Variants in MAP3K9 observed in about 807,000 individuals in gnomAD.
The protein encoded by MAP3K9 is mitogen-activated protein kinase kinase kinase 9.
MAP3K9 carries 46 observed loss-of-function variants against 95.8 expected under a neutral mutation model. The observed-to-expected ratio is 0.48, with a 90% CI of 0.38 to 0.61. The LOEUF is 0.61. Among genes scored for constraint, MAP3K9 ranks in the 20% least tolerant of loss-of-function variants. The pLI is 0.00. For missense variants in MAP3K9, 1,296 were observed against 1,474.3 expected, an observed-to-expected ratio of 0.88 and a Z score of 1.98; for synonymous variants, 533 against 593.8, an observed-to-expected ratio of 0.90 and a Z score of 1.49.
Position 70,732,575 on chromosome 14 carries a change from G to A in MAP3K9, c.2794C>T (p.Pro932Ser), listed in dbSNP as rs1462257851. 3 of 1,599,714 alleles carry A rather than the reference G, an allele frequency of 1.9e-6. No homozygotes were observed. The highest frequency in any genetic ancestry group is 2.2e-5 in the South Asian group (2 of 89,180). The stretch of plus-strand genomic sequence containing the variant: ...CTGGGGCTCAACCCATTGCTGGAGG[G>A]GCTCCTGCTGGCTAGGAGAGTCTCT... ...KPETLLASRS[P>S]SSNGLSPSPG... Residue 932 changes from proline to serine, a missense_variant, in exon 11 of 12, where the codon CCC (proline) becomes TCC (serine). Pro to Ser is a moderately conservative substitution (Grantham distance 74). This residue lies in a region of MAP3K9 where 433 missense variants were observed against 441.4 expected (regional missense o/e 0.98). Transcript: ENST00000554752.
chr14:70,803,263 C>A (rs576566943), intron 1 of MAP3K9, among the ~76,000 whole-genome samples: 27 of 148,554 alleles, frequency 1.8e-4, no homozygotes, highest in Non-Finnish European at 3.7e-4. Flanking sequence ...TACCCAGCCT[C>A]AGGTATTCCT....
At chr14:70,765,352 T>C in intron 2 of MAP3K9, 1 of 445,584 alleles carries the variant, frequency 2.2e-6, no homozygotes, top group South Asian at 5.1e-5. Flanking sequence ...CTTTATAAAT[T>C]TAGTGTAGCC....
At chr14:70,757,815 T>G (rs1296833855) in intron 3 of MAP3K9, among the ~76,000 whole-genome samples, 1 of 152,146 alleles carries the variant, frequency 6.6e-6, no homozygotes, top group Non-Finnish European at 1.5e-5. Flanking sequence ...AATGGTCTTT[T>G]CAATAAATGG....
chr14:70,793,978 G>A lies in MAP3K9; in HGVS notation c.820+6689C>T, dbSNP rs553978009. Among the ~76,000 whole-genome samples the A allele has an allele frequency of 3.9e-5, 6 of 152,264 alleles. No individual in the cohort carries two copies. In the South Asian group the frequency reaches 8.3e-4, roughly 21 times the overall value. On this transcript the variant is annotated intron_variant, in intron 2 of 11. Transcript: ENST00000554752. ...TCTTGTCACTCCAATATTCTTCTAC[G>A]AACTACCAGGTAGTACACATTCATC...
In MAP3K9 at chr14:70,809,219, C is replaced by T; in HGVS notation, c.-48G>A. The T allele has an allele frequency of 1.6e-6, 2 of 1,282,954 alleles. No homozygotes were observed. The highest frequency in any genetic ancestry group is 2.0e-6 in the Non-Finnish European group (2 of 1,020,718). The allele number at this position is 1,282,954 out of a possible 1,614,324, so 79.5% of individuals were successfully genotyped here. ...CGGGGCCGCCGCCGCCCGCAGGAGC[C>T]GCCGCCGCCTATTGTTCATGCGCCT... is the stretch of plus-strand genomic sequence containing the variant. On this transcript the variant is annotated 5_prime_UTR_variant, in exon 1 of 12. Coordinates refer to ENST00000554752, the MANE Select transcript of MAP3K9 (RefSeq NM_001284230.2).
intron 2 of MAP3K9, among the ~76,000 whole-genome samples, chr14:70,786,635 T>C (rs997648014): frequency 6.6e-6 from 1 of 152,168 alleles, no homozygotes; most frequent in African/African-American, 2.4e-5. Flanking sequence ...CTGAAATACT[T>C]TGGTCCTAGC....
At chr14:70,738,542 C>G (rs2054019001) in intron 7 of MAP3K9, 144 bp from the exon 8 acceptor site, 3 of 667,770 alleles carry the variant, frequency 4.5e-6, no homozygotes, top group South Asian at 2.2e-5. Context: ...CCAAGTGGAC[C>G]CTTCCAGGAA....
intron 2 of MAP3K9, among the ~76,000 whole-genome samples, chr14:70,774,356 C>T (rs1004717177): frequency 6.6e-6 from 1 of 152,172 alleles, no homozygotes; most frequent in Non-Finnish European, 1.5e-5. Flanking sequence ...AGATTATGTA[C>T]ACATGACACT....
At chr14:70,799,874 T>C (rs2054909565) in intron 2 of MAP3K9, among the ~76,000 whole-genome samples, 1 of 152,176 alleles carries the variant, frequency 6.6e-6, no homozygotes, top group Non-Finnish European at 1.5e-5. Context: ...CATACCATTA[T>C]GCAATTGTGT....
chr14:70,782,263 C>T (rs1379831051), intron 2 of MAP3K9, among the ~76,000 whole-genome samples: 1 of 152,062 alleles, frequency 6.6e-6, no homozygotes, highest in African/African-American at 2.4e-5. Context: ...ATAAATTGAC[C>T]GTATTTCTTA....
rs775676672 is a variant in MAP3K9, at chr14:70,730,787, G to A, written c.2908C>T (p.Pro970Ser). The A allele has an allele frequency of 1.3e-5, 21 of 1,613,490 alleles. No individual in the cohort carries two copies. Among genetic ancestry groups the A allele is most frequent in the Middle Eastern group, 3.3e-4 (2 of 6,084 alleles). Residue 970 changes from proline (P) to serine (S), a missense_variant, in exon 12 of 12, where the codon CCA becomes TCA. This residue lies in a region of MAP3K9 where 433 missense variants were observed against 441.4 expected (regional missense o/e 0.98). Coordinates refer to ENST00000554752, the MANE Select transcript of MAP3K9 (RefSeq NM_001284230.2). ...RLPDPNVVFP[P>S]TPRRWNTQQD... ...TGAGTGTTCCAGCGCCTTGGGGTTG[G>A]GGGGAAGACCACATTGGGGTCAGGG...
intron 2 of MAP3K9, among the ~76,000 whole-genome samples, chr14:70,774,983 C>CAAAAAAAAAAAAAAAAAAAAAAAAAAA (rs60144338): frequency 7.3e-5 from 4 of 55,096 alleles, no homozygotes; most frequent in Admixed American, 3.2e-4. Flanking sequence ...ACTCTGTCCC[C>CAAAAAAAAAAAAAAAAAAAAAAAAAAA]AAAAAAAAAA....
intron 9 of MAP3K9, among the ~76,000 whole-genome samples, chr14:70,735,208 AG>A (rs1240848085): frequency 1.3e-5 from 2 of 152,200 alleles, no homozygotes; most frequent in Middle Eastern, 3.4e-3. Context: ...TAACTCTCCG[AG>A]GATACAGCCT....
intron 2 of MAP3K9, among the ~76,000 whole-genome samples, chr14:70,772,823 C>T (rs1320194466): frequency 3.9e-5 from 6 of 152,140 alleles, no homozygotes; most frequent in South Asian, 4.1e-4. Context: ...CTCATCAATA[C>T]GGAAAGTAGG....
chr14:70,780,831 T>C (rs949893206), intron 2 of MAP3K9, among the ~76,000 whole-genome samples: 1 of 152,322 alleles, frequency 6.6e-6, no homozygotes, highest in Middle Eastern at 3.4e-3. Flanking sequence ...CCCAGCTACA[T>C]ACCAGATAAA....
rs60144338 is a variant in MAP3K9, at chr14:70,774,983, C to CAAAAAAAAAA, written c.821-13811_821-13802dup. On this transcript the variant is annotated intron_variant, in intron 2 of 11. Coordinates refer to ENST00000554752, the MANE Select transcript of MAP3K9 (RefSeq NM_001284230.2). ...TGGAGACAGAGTGAGACTCTGTCCC[C>CAAAAAAAAAA]AAAAAAAAAAAAAAAAAAAAAAAAA... Among the ~76,000 whole-genome samples, 35 of 55,114 alleles carry CAAAAAAAAAA rather than the reference C, an allele frequency of 6.4e-4. 1 individual carries two copies. Among genetic ancestry groups the CAAAAAAAAAA allele is most frequent in the East Asian group, 3.0e-3 (4 of 1,342 alleles). 36.2% of individuals were successfully genotyped at this position (55,114 alleles called of 152,430 possible). A position where few individuals can be genotyped will look rare whatever the true frequency, so the allele number is the denominator to read the frequency against.
chr14:70,798,215 C>T (rs1594812810), intron 2 of MAP3K9, among the ~76,000 whole-genome samples: 1 of 152,148 alleles, frequency 6.6e-6, no homozygotes. Flanking sequence ...GAGGTAAAAA[C>T]GTGTATGAAG....
chr14:70,801,912 T>C (rs1566770299), intron 1 of MAP3K9, among the ~76,000 whole-genome samples: 2 of 152,176 alleles, frequency 1.3e-5, no homozygotes, highest in South Asian at 4.1e-4. Context: ...CCAGGGAGTC[T>C]GCTGTGGCCA....
chr14:70,734,490 G>T lies in MAP3K9; in HGVS notation c.1922C>A (p.Ser641Tyr), dbSNP rs752941521. ...ESPHFHLGLK[S>Y]LVDGYKQWSS... is the part of the protein sequence containing the mutation. The stretch of plus-strand genomic sequence containing the variant: ...CCACTGCTTATATCCATCTACCAGG[G>T]ACTTGAGGCTGAATCAGAGGAAAAG... The change falls in exon 10 of 12, where the codon TCC becomes TAC. Residue 641 changes from serine (S) to tyrosine (Y), a missense_variant. Physicochemically the swap from Ser to Tyr is moderately radical, Grantham distance 144 (BLOSUM62 -2). This residue lies in a region of MAP3K9 where 377 missense variants were observed against 417.1 expected (regional missense o/e 0.90). Coordinates refer to ENST00000554752, the MANE Select transcript of MAP3K9 (RefSeq NM_001284230.2). The T allele has an allele frequency of 1.9e-6, 3 of 1,596,000 alleles. No homozygotes were observed. Among genetic ancestry groups the T allele is most frequent in the East Asian group, 2.2e-5 (1 of 44,812 alleles).
Sources: gnomAD v4.1 joint callset for allele counts (sites outside exome capture counted in the v4.1 genomes callset) on GRCh38, gnomAD v4.1.1 for gene constraint, gnomAD v4.1.1 regional missense constraint, MANE v1.5 for transcripts, NCBI Gene and HGNC (gene_info 2026-07-23, HGNC 2026-07-21) for gene names.